PVT1: variants seen among roughly 807,000 people sequenced by gnomAD.
The protein encoded by PVT1 is CXCR4/PVT1 fusion.
intron 2 of PVT1, among the ~76,000 whole-genome samples, chr8:127,866,430 G>C (rs937179196): frequency 9.2e-5 from 14 of 152,134 alleles, no homozygotes; most frequent in African/African-American, 3.1e-4. Context: ...CTGACCTGCT[G>C]GTGGCTTGTC....
chr8:127,967,454 C>T (rs112251361), intron 3 of PVT1, among the ~76,000 whole-genome samples: 19 of 152,326 alleles, frequency 1.2e-4, no homozygotes, highest in African/African-American at 4.3e-4. Context: ...GGAAGAAAAA[C>T]GGCAGAGGCT....
chr8:127,825,731 C>T (rs1814780393), intron 2 of PVT1, among the ~76,000 whole-genome samples: 1 of 152,200 alleles, frequency 6.6e-6, no homozygotes, highest in Non-Finnish European at 1.5e-5. Flanking sequence ...CTAGCCGCGT[C>T]ACTCAACCTT....
At chr8:128,062,456 G>C (rs563466039) in intron 4 of PVT1, among the ~76,000 whole-genome samples, 2 of 152,082 alleles carry the variant, frequency 1.3e-5, no homozygotes, top group African/African-American at 4.8e-5. Flanking sequence ...AGAAGTGAAG[G>C]ATTTCCTCTT....
At chr8:127,831,833 G>A (rs928788819) in intron 2 of PVT1, among the ~76,000 whole-genome samples, 1 of 152,218 alleles carries the variant, frequency 6.6e-6, no homozygotes, top group Non-Finnish European at 1.5e-5. Context: ...CCTCATGGGA[G>A]CAATCAAGAG....
At chr8:127,867,130 G>A (rs1198256896) in intron 2 of PVT1, among the ~76,000 whole-genome samples, 1 of 152,252 alleles carries the variant, frequency 6.6e-6, no homozygotes, top group Non-Finnish European at 1.5e-5. Context: ...AGACCTGCCT[G>A]CGGCCTTCCT....
chr8:128,019,546 T>A (rs561760974), intron 4 of PVT1, among the ~76,000 whole-genome samples: 1 of 152,378 alleles, frequency 6.6e-6, no homozygotes, highest in Non-Finnish European at 1.5e-5. Context: ...TATTTAACAA[T>A]CAGCTTTTGC....
At chr8:127,847,721 A>T (rs1362449635) in intron 2 of PVT1, among the ~76,000 whole-genome samples, 2 of 152,058 alleles carry the variant, frequency 1.3e-5, no homozygotes, top group African/African-American at 4.8e-5. Flanking sequence ...TGGAGCGGGG[A>T]GTATGGCATG....
chr8:128,020,348 A>G (rs1355654466), intron 4 of PVT1, among the ~76,000 whole-genome samples: 3 of 152,220 alleles, frequency 2.0e-5, no homozygotes, highest in South Asian at 2.1e-4. Context: ...GGTGGATCCA[A>G]TCCAATCACA....
intron 3 of PVT1, among the ~76,000 whole-genome samples, chr8:127,891,767 G>T (rs566383105): frequency 6.6e-6 from 1 of 152,360 alleles, no homozygotes; most frequent in African/African-American, 2.4e-5. Flanking sequence ...GGCACAGCTG[G>T]TTGGCGTGGA....
intron 4 of PVT1, among the ~76,000 whole-genome samples, chr8:128,022,363 T>C (rs905785991): frequency 6.6e-5 from 10 of 152,336 alleles, no homozygotes; most frequent in African/African-American, 2.4e-4. Context: ...TCATATCCAC[T>C]CTCCCAAATA....
At chr8:128,043,479 T>C (rs1239764651) in intron 4 of PVT1, among the ~76,000 whole-genome samples, 1 of 152,148 alleles carries the variant, frequency 6.6e-6, no homozygotes. Flanking sequence ...CACAAGATGC[T>C]GTTGCCTAGA....
intron 2 of PVT1, among the ~76,000 whole-genome samples, chr8:127,865,343 G>C (rs1409236849): frequency 6.6e-6 from 1 of 152,142 alleles, no homozygotes; most frequent in African/African-American, 2.4e-5. Flanking sequence ...TTCCCCCAAA[G>C]AGGTTCACAT....
intron 3 of PVT1, among the ~76,000 whole-genome samples, chr8:127,950,863 C>G (rs898278601): frequency 3.3e-5 from 5 of 152,200 alleles, no homozygotes; most frequent in Admixed American, 3.3e-4. Context: ...TTATCTCACT[C>G]CATTGGGCAA....
chr8:127,882,587 G>A (rs1157214709), intron 2 of PVT1, among the ~76,000 whole-genome samples: 1 of 151,928 alleles, frequency 6.6e-6, no homozygotes, highest in Non-Finnish European at 1.5e-5. Flanking sequence ...AGGTTCAAGC[G>A]ATTCTCCTGA....
At chr8:127,964,097 CA>C (rs1434776093) in intron 3 of PVT1, among the ~76,000 whole-genome samples, 1 of 152,212 alleles carries the variant, frequency 6.6e-6, no homozygotes, top group Non-Finnish European at 1.5e-5. Context: ...CGATGACCCC[CA>C]GGAGCGTCCT....
chr8:127,986,037 T>A (rs1816966396), intron 3 of PVT1, among the ~76,000 whole-genome samples: 1 of 152,178 alleles, frequency 6.6e-6, no homozygotes, highest in Non-Finnish European at 1.5e-5. Flanking sequence ...ATGTGTGTTA[T>A]ACCCTGGGTC....
chr8:127,819,129 G>T (rs1434534301), intron 2 of PVT1, among the ~76,000 whole-genome samples: 1 of 152,184 alleles, frequency 6.6e-6, no homozygotes, highest in Non-Finnish European at 1.5e-5. Context: ...CTGGTACTGG[G>T]GCTATAGCAA....
chr8:127,833,923 C>T (rs926783563), intron 2 of PVT1, among the ~76,000 whole-genome samples: 1 of 152,146 alleles, frequency 6.6e-6, no homozygotes, highest in Non-Finnish European at 1.5e-5. Flanking sequence ...ACAGCTGGAC[C>T]CCTCCCTAGA....
At chr8:128,052,189 C>G (rs371649941) in intron 4 of PVT1, among the ~76,000 whole-genome samples, 5 of 152,276 alleles carry the variant, frequency 3.3e-5, no homozygotes, top group African/African-American at 1.2e-4. Flanking sequence ...TCCATGGGTA[C>G]AGGCCTAGAT....
Sources: allele counts gnomAD v4.1 joint callset (sites outside exome capture counted in the v4.1 genomes callset), GRCh38; gene constraint gnomAD v4.1.1; transcripts MANE v1.5; gene names NCBI Gene and HGNC (gene_info 2026-07-23, HGNC 2026-07-21).